SH2D6: variants seen among roughly 807,000 people sequenced by gnomAD.
SH2D6 encodes the protein SH2 domain-containing protein 6.
A neutral mutation model predicts 30.2 loss-of-function variants in SH2D6; 31 were observed. The ratio of observed to expected loss-of-function variants is 1.03; its 90% confidence interval spans 0.77 to 1.38. SH2D6 has a LOEUF of 1.38. Among genes scored for constraint, SH2D6 ranks in the 40% most tolerant of loss-of-function variants. The probability of loss-of-function intolerance (pLI) is 0.00; values close to 1 mark genes in which losing one functional copy is unlikely to be tolerated. For synonymous variants in SH2D6, 93 were observed against 104.6 expected, an observed-to-expected ratio of 0.89 and a Z score of 0.68; for missense variants, 240 against 266.8, an observed-to-expected ratio of 0.90 and a Z score of 0.70.
intron 13 of SH2D6, among the ~76,000 whole-genome samples, 194 bp from the exon 14 acceptor site, chr2:85,431,705 T>C (rs963476014): frequency 2.6e-5 from 4 of 152,184 alleles, no homozygotes; most frequent in African/African-American, 9.7e-5. Context: ...TACATTTCAC[T>C]AAAATTTTTG....
Position 85,434,182 on chromosome 2 carries a change from A to G in SH2D6, c.533+71A>G. 3.3e-6 allele frequency: 5 copies of G among 1,532,120 alleles called. No homozygotes were observed. In the South Asian group the frequency reaches 4.8e-5, roughly 15 times the overall value. The allele number at this position is 1,532,120 out of a possible 1,614,324, so 94.9% of individuals were successfully genotyped here. ...ACAGAGAGAGACAGCACCCCAGTTCAGGCTTCCCCAGCCCTGACCCTGGGA... is the reference window on the plus strand; with the variant it reads ...ACAGAGAGAGACAGCACCCCAGTTCGGGCTTCCCCAGCCCTGACCCTGGGA... On this transcript the variant is annotated intron_variant, in intron 17 of 23. Coordinates refer to ENST00000469800, the MANE Select transcript of SH2D6 (RefSeq NM_001394463.1).
Position 85,428,569 on chromosome 2 carries a change from C to T in SH2D6, c.-208-15C>T, listed in dbSNP as rs2104897730. The T allele has an allele frequency of 6.6e-6, 1 of 152,268 alleles. No homozygotes were observed. Among genetic ancestry groups the T allele is most frequent in the Non-Finnish European group, 1.5e-5 (1 of 68,016 alleles). The allele number at this position is 152,268 out of a possible 1,614,324, so 9.4% of individuals were successfully genotyped here. A position where few individuals can be genotyped will look rare whatever the true frequency, so the allele number is the denominator to read the frequency against. On this transcript the variant is annotated splice_polypyrimidine_tract_variant and intron_variant, in intron 6 of 23. Coordinates refer to ENST00000469800, the MANE Select transcript of SH2D6 (RefSeq NM_001394463.1). ...ATAAGAAGAAGAGTTACCAGAACCG[C>T]CTCTCTCTGCACAGACAAGAGGCCA...
At chr2:85,435,586 A>G (rs1174573076) in intron 21 of SH2D6, 80 bp from the exon 22 acceptor site, 2 of 1,585,288 alleles carry the variant, frequency 1.3e-6, no homozygotes, top group African/African-American at 1.3e-5. Flanking sequence ...GAGGGCCAGG[A>G]GGGTTCTGGC....
intron 15 of SH2D6, 37 bp downstream of exon 15, chr2:85,433,158 C>A: frequency 1.0e-6 from 1 of 981,422 alleles, no homozygotes. Flanking sequence ...AGTTTCCAGG[C>A]TTCTGGTTAA....
rs943444953 is a variant in SH2D6, at chr2:85,430,903, A to C, written c.250+251A>C. Reference sequence around the variant, plus strand: ...GGGAAGAGGAGGGGTGGTGTAACCAAGGCAACAGCAGGGGCCTGGCATTCC... The same window carrying C: ...GGGAAGAGGAGGGGTGGTGTAACCACGGCAACAGCAGGGGCCTGGCATTCC... On this transcript the variant is annotated intron_variant, in intron 12 of 23. Transcript: ENST00000469800. This position sits in a 1 kb window ranked among gnomAD's most constrained non-coding sequence, Gnocchi z 4.3. Among the ~76,000 whole-genome samples the C allele has an allele frequency of 1.3e-5, 2 of 152,126 alleles. No individual in the cohort carries two copies. The highest frequency in any genetic ancestry group is 2.9e-5 in the Non-Finnish European group (2 of 68,002).
In SH2D6 at chr2:85,436,500, T is replaced by G; in HGVS notation, c.926T>G (p.Phe309Cys). The G allele has an allele frequency of 6.2e-7, 1 of 1,613,674 alleles. No homozygotes were observed. The change falls in exon 23 of 24, where the codon TTC becomes TGC. Residue 309 changes from phenylalanine (F) to cysteine (C), a missense_variant. Physicochemically the swap from Phe to Cys is radical, Grantham distance 205 (BLOSUM62 -2). Coordinates refer to ENST00000469800, the MANE Select transcript of SH2D6 (RefSeq NM_001394463.1). ...TCCGTGGCGGCCATGGTCCAGCACT[T>G]CATGTGGCACCCTCTGCCCCTTGTG... ...FSSVAAMVQHFMWHPLPLVDR... is the reference protein window; with the variant it reads ...FSSVAAMVQHCMWHPLPLVDR...
chr2:85,419,351 G>A (rs148943460), intron 2 of SH2D6, 107 bp downstream of exon 2: 8 of 152,422 alleles, frequency 5.2e-5, no homozygotes, highest in African/African-American at 1.9e-4. Flanking sequence ...CAGAGCTCTT[G>A]TCCTAACTTC....
intron 5 of SH2D6, among the ~76,000 whole-genome samples, chr2:85,425,041 G>T (rs1687929537): frequency 6.6e-6 from 1 of 152,116 alleles, no homozygotes; most frequent in Non-Finnish European, 1.5e-5. Flanking sequence ...ACTCCAGCCT[G>T]GGTGACAGAG....
intron 7 of SH2D6, among the ~76,000 whole-genome samples, chr2:85,428,994 T>C (rs114534571): frequency 6.6e-6 from 1 of 152,226 alleles, no homozygotes; most frequent in African/African-American, 2.4e-5. Context: ...ACACTAAATA[T>C]GAGAACTTCT....
At chr2:85,433,735 C>A in intron 16 of SH2D6, 104 bp downstream of exon 16, 1 of 859,864 alleles carries the variant, frequency 1.2e-6, no homozygotes, top group Non-Finnish European at 1.6e-6. Context: ...CTGCCTCTCA[C>A]CACCCCCCAC....
At chr2:85,423,823 C>G (rs1401863279) in intron 5 of SH2D6, among the ~76,000 whole-genome samples, 1 of 152,244 alleles carries the variant, frequency 6.6e-6, no homozygotes, top group Admixed American at 6.5e-5. Flanking sequence ...AGGACAGCCC[C>G]TTCCCTCCCT....
At chr2:85,435,272 G>T in intron 20 of SH2D6, 141 bp from the exon 21 acceptor site, 1 of 1,255,050 alleles carries the variant, frequency 8.0e-7, no homozygotes. Context: ...GCCCCAGACA[G>T]GGACACCACT....
intron 13 of SH2D6, 21 bp downstream of exon 13, chr2:85,431,289 T>G (rs1006718173): frequency 6.6e-6 from 1 of 152,372 alleles, no homozygotes; most frequent in Non-Finnish European, 1.5e-5. Context: ...TCTCCAGAAG[T>G]CCCTCCTTCC....
chr2:85,434,440 C>T (rs1318108750), intron 18 of SH2D6, 33 bp from the exon 19 acceptor site: 50 of 1,550,284 alleles, frequency 3.2e-5, no homozygotes, highest in Admixed American at 5.9e-5. Flanking sequence ...ACCTGGGGCC[C>T]GGCCTCTTCT....
At chr2:85,436,742 A>G in intron 23 of SH2D6, 95 bp from the exon 24 acceptor site, 1 of 649,080 alleles carries the variant, frequency 1.5e-6, no homozygotes, top group Non-Finnish European at 2.7e-6. Flanking sequence ...AGGCCCAGGG[A>G]AGGGTCCTGG....
intron 6 of SH2D6, among the ~76,000 whole-genome samples, chr2:85,427,173 T>C (rs1453624655): frequency 6.6e-6 from 1 of 152,214 alleles, no homozygotes; most frequent in Non-Finnish European, 1.5e-5. Context: ...AGCTGAGACC[T>C]GAGAAATTTG....
At chr2:85,428,961 A>G (rs183411665) in intron 7 of SH2D6, among the ~76,000 whole-genome samples, 127 of 152,336 alleles carry the variant, frequency 8.3e-4, no homozygotes, top group African/African-American at 2.9e-3. Context: ...GGATAAATAC[A>G]TCCATCAAAA....
At chr2:85,434,441 G>C in intron 18 of SH2D6, 32 bp from the exon 19 acceptor site, 2 of 1,550,382 alleles carry the variant, frequency 1.3e-6, no homozygotes, top group Non-Finnish European at 1.7e-6. Context: ...CCTGGGGCCC[G>C]GCCTCTTCTG....
chr2:85,419,729 T>A (rs1687675931), intron 2 of SH2D6, among the ~76,000 whole-genome samples: 1 of 152,260 alleles, frequency 6.6e-6, no homozygotes, highest in Non-Finnish European at 1.5e-5. Context: ...GGTTTAGCCA[T>A]GACCTTGTAA....
Sources: allele counts gnomAD v4.1 joint callset (sites outside exome capture counted in the v4.1 genomes callset), GRCh38; gene constraint gnomAD v4.1.1; non-coding constraint Gnocchi (gnomAD v3.1); transcripts MANE v1.5; gene names NCBI Gene and HGNC (gene_info 2026-07-23, HGNC 2026-07-21).